OPRM1: variants seen among roughly 807,000 people sequenced by gnomAD.
OPRM1 encodes opioid receptor mu 1, also known as mu-type opioid receptor.
A neutral mutation model predicts 31.8 loss-of-function variants in OPRM1; 27 were observed. That is an observed-to-expected ratio of 0.85 (90% CI 0.63 to 1.17). OPRM1 has a LOEUF of 1.17. Ranked by LOEUF, OPRM1 falls within the 50% of genes most tolerant of loss-of-function variation. OPRM1 has a pLI of 0.00. For synonymous variants in OPRM1, 196 were observed against 189.9 expected, an observed-to-expected ratio of 1.03 and a Z score of -0.26; for missense variants, 536 against 511.1, an observed-to-expected ratio of 1.05 and a Z score of -0.47.
At position 154,129,211 on chromosome 6, in the gene OPRM1, T is replaced by C. The variant is rs1797751976; in HGVS notation, c.*10490T>C. On this transcript the variant is annotated 3_prime_UTR_variant, in exon 4 of 4. Coordinates refer to ENST00000330432, the MANE Select transcript of OPRM1 (RefSeq NM_000914.5). ...TTGATTTGAGCAAGCAAGGGGTATG[T>C]GACAGGGGCTGCATGCACCGGTGGT... Among the ~76,000 whole-genome samples, 1 of 152,198 alleles carries C rather than the reference T, an allele frequency of 6.6e-6. No individual in the cohort carries two copies.
chr6:154,086,196 T>G (rs1790521938), intron 1 of OPRM1, among the ~76,000 whole-genome samples: 1 of 152,218 alleles, frequency 6.6e-6, no homozygotes, highest in African/African-American at 2.4e-5. Context: ...GGGTATATGC[T>G]GGAGGCAATT....
chr6:154,237,474 C>G (rs571169040), intron 3 of OPRM1, among the ~76,000 whole-genome samples: 1 of 152,216 alleles, frequency 6.6e-6, no homozygotes, highest in Non-Finnish European at 1.5e-5. Flanking sequence ...GCACAATTCT[C>G]CTGCATCCTA....
At chr6:154,095,770 G>A (rs1793266264) in intron 3 of OPRM1, among the ~76,000 whole-genome samples, 1 of 152,096 alleles carries the variant, frequency 6.6e-6, no homozygotes, top group African/African-American at 2.4e-5. Context: ...TTTATGTTCA[G>A]CTTGCTGTCT....
At position 154,045,937 on chromosome 6, in the gene OPRM1, G is replaced by T. The variant is rs540551345; in HGVS notation, c.290+6103G>T. On this transcript the variant is annotated intron_variant, in intron 1 of 3. Coordinates refer to ENST00000330432, the MANE Select transcript of OPRM1 (RefSeq NM_000914.5). ...AGAAGGCCCCGCCCACATTGTGACC[G>T]TCTCAAAAACATGCCTCGTTTTCCT... Among the ~76,000 whole-genome samples, 4 of 152,156 alleles carry T rather than the reference G, an allele frequency of 2.6e-5. No individual in the cohort carries two copies. The South Asian group carries it at 8.3e-4, about 32-fold the overall frequency.
intron 3 of OPRM1, among the ~76,000 whole-genome samples, chr6:154,235,531 CAAA>C (rs34877577): frequency 2.0e-5 from 2 of 97,590 alleles, no homozygotes; most frequent in African/African-American, 3.7e-5. Flanking sequence ...AACTCTGTCA[CAAA>C]AAAAAAAAAA....
At position 154,091,101 on chromosome 6, in the gene OPRM1, C is replaced by T. The variant is rs17174822; in HGVS notation, c.793C>T (p.Arg265Cys). 376 of 1,614,088 alleles carry T rather than the reference C, an allele frequency of 2.3e-4. 2 individuals are homozygous for T. The African/African-American group carries it at 3.7e-3, about 16-fold the overall frequency. ...GLMILRLKSV[R>C]MLSGSKEKDR... ...GATGATCTTGCGCCTCAAGAGTGTC[C>T]GCATGCTCTCTGGCTCCAAAGAAAA... The change falls in exon 3 of 4, where the codon CGC (arginine) becomes TGC (cysteine). Residue 265 changes from arginine (R) to cysteine (C), a missense_variant. Coordinates refer to ENST00000330432, the MANE Select transcript of OPRM1 (RefSeq NM_000914.5).
chr6:154,072,426 A>C (rs1786987147), intron 1 of OPRM1, among the ~76,000 whole-genome samples: 1 of 152,236 alleles, frequency 6.6e-6, no homozygotes, highest in South Asian at 2.1e-4. Flanking sequence ...CAAAAGGTTG[A>C]AATGTATTTT....
intron 3 of OPRM1, among the ~76,000 whole-genome samples, chr6:154,113,596 T>C (rs2059763069): frequency 6.6e-6 from 1 of 152,110 alleles, no homozygotes; most frequent in Admixed American, 6.5e-5. Flanking sequence ...GAGAAGCACA[T>C]GAATCAGTAT....
At chr6:154,094,885 T>G (rs1009086277) in intron 3 of OPRM1, among the ~76,000 whole-genome samples, 2 of 152,228 alleles carry the variant, frequency 1.3e-5, no homozygotes, top group African/African-American at 4.8e-5. Flanking sequence ...TGACCACTTC[T>G]GCTAACAATC....
intron 3 of OPRM1, chr6:154,214,419 C>G (rs1438069114): frequency 2.4e-5 from 17 of 696,916 alleles, no homozygotes; most frequent in Non-Finnish European, 4.2e-5. Context: ...TTTGTGCCAT[C>G]GAAACCTAAG....
At chr6:154,099,341 A>AG (rs1794002141) in intron 3 of OPRM1, among the ~76,000 whole-genome samples, 1 of 69,184 alleles carries the variant, frequency 1.4e-5, no homozygotes. Context: ...GGGAGGGAGG[A>AG]AGAGAGCGAG....
chr6:154,039,950 T>TG, intron 1 of OPRM1, 116 bp downstream of exon 1: 3 of 896,750 alleles, frequency 3.3e-6, no homozygotes, highest in Non-Finnish European at 4.9e-6. Context: ...GGAGGTAAAC[T>TG]GGGGGGACTC....
At chr6:154,101,919 A>G (rs1794886798) in intron 3 of OPRM1, among the ~76,000 whole-genome samples, 1 of 152,240 alleles carries the variant, frequency 6.6e-6, no homozygotes, top group Non-Finnish European at 1.5e-5. Flanking sequence ...CAGCAGATGC[A>G]AGATAAAATC....
intron 1 of OPRM1, among the ~76,000 whole-genome samples, chr6:154,018,958 T>C (rs1023537401): frequency 2.0e-5 from 3 of 151,918 alleles, no homozygotes; most frequent in African/African-American, 7.3e-5. Context: ...TACTTTTTTT[T>C]ATTTTTTAAT....
At chr6:154,086,536 C>A in intron 1 of OPRM1, 1 of 981,252 alleles carries the variant, frequency 1.0e-6, no homozygotes, top group Non-Finnish European at 1.2e-6. Context: ...TATGCATAAC[C>A]ACGTTTCCTT....
chr6:154,047,283 A>G (rs1171344525), intron 1 of OPRM1, among the ~76,000 whole-genome samples: 3 of 151,818 alleles, frequency 2.0e-5, no homozygotes, highest in African/African-American at 7.3e-5. Flanking sequence ...AGGCCCAAGC[A>G]AAAGGTCCTG....
intron 3 of OPRM1, among the ~76,000 whole-genome samples, chr6:154,197,070 T>C (rs1176971484): frequency 6.6e-6 from 1 of 152,198 alleles, no homozygotes; most frequent in Non-Finnish European, 1.5e-5. Context: ...TTCCAGCAAA[T>C]GCATCCTGAG....
chr6:154,028,387 C>T (rs749964919), intron 1 of OPRM1, among the ~76,000 whole-genome samples: 2 of 152,244 alleles, frequency 1.3e-5, no homozygotes, highest in Non-Finnish European at 2.9e-5. Flanking sequence ...CTTCTCCTCT[C>T]GTAGAGTGGA....
chr6:154,142,721 C>G (rs1798251606), intron 3 of OPRM1, among the ~76,000 whole-genome samples: 1 of 152,174 alleles, frequency 6.6e-6, no homozygotes, highest in Admixed American at 6.5e-5. Context: ...TGAAACTTGC[C>G]TCAGTCTCTT....
Sources: gnomAD v4.1 joint callset for allele counts (sites outside exome capture counted in the v4.1 genomes callset) on GRCh38, gnomAD v4.1.1 for gene constraint, MANE v1.5 for transcripts, NCBI Gene and HGNC (gene_info 2026-07-23, HGNC 2026-07-21) for gene names.